RGS20: variants seen among roughly 807,000 people sequenced by gnomAD.
RGS20 encodes gz-selective GTPase-activating protein.
RGS20 carries 30 observed loss-of-function variants against 33.6 expected under a neutral mutation model. That is an observed-to-expected ratio of 0.89 (90% CI 0.67 to 1.21). RGS20 has a LOEUF of 1.21. RGS20 is among the 50% of genes most tolerant of loss of function. RGS20 has a pLI of 0.00. For synonymous variants in RGS20, 208 were observed against 197.9 expected (o/e 1.05, Z -0.43); for missense variants, 472 against 502.4 (o/e 0.94, Z 0.58).
intron 5 of RGS20, among the ~76,000 whole-genome samples, chr8:53,955,331 C>T (rs898383092): frequency 3.9e-5 from 6 of 151,932 alleles, no homozygotes; most frequent in Admixed American, 1.3e-4. Flanking sequence ...TACCCTAAGA[C>T]GTTCCTTTAA....
At chr8:53,917,115 C>T (rs745979740) in intron 2 of RGS20, among the ~76,000 whole-genome samples, 2 of 151,994 alleles carry the variant, frequency 1.3e-5, no homozygotes, top group East Asian at 1.9e-4. Context: ...CTCAGAACAC[C>T]TACTTTCTTT....
intron 2 of RGS20, among the ~76,000 whole-genome samples, chr8:53,903,066 A>G (rs905438850): frequency 1.3e-5 from 2 of 152,236 alleles, no homozygotes; most frequent in African/African-American, 4.8e-5. Flanking sequence ...GAGAGATCAG[A>G]TGGATCAGTT....
chr8:53,917,744 G>A (rs909084120), intron 2 of RGS20, among the ~76,000 whole-genome samples: 1 of 152,146 alleles, frequency 6.6e-6, no homozygotes, highest in Admixed American at 6.5e-5. Context: ...ACTCCAGTCT[G>A]GGCGACAGAG....
chr8:53,927,011 T>C (rs1813820832), intron 2 of RGS20, among the ~76,000 whole-genome samples: 3 of 152,150 alleles, frequency 2.0e-5, no homozygotes, highest in Admixed American at 2.0e-4. Context: ...TACTAAAAGA[T>C]TGTGATCAAA....
At chr8:53,899,857 GA>G (rs1180765619) in intron 2 of RGS20, among the ~76,000 whole-genome samples, 2 of 152,148 alleles carry the variant, frequency 1.3e-5, no homozygotes, top group East Asian at 3.9e-4. Context: ...CCCAGCAGGG[GA>G]AGAGTGAGGA....
chr8:53,883,807 G>A (rs1812464879), intron 2 of RGS20, among the ~76,000 whole-genome samples: 1 of 152,078 alleles, frequency 6.6e-6, no homozygotes, highest in African/African-American at 2.4e-5. Flanking sequence ...TTAGCCGGGT[G>A]TGGTTGCTGG....
rs1313812629 is a variant in RGS20 at position 53,959,186 on chromosome 8, A to T, written c.*728A>T. 1 of 152,252 alleles carries T rather than the reference A, an allele frequency of 6.6e-6. No homozygotes were observed. Among genetic ancestry groups the T allele is most frequent in the Non-Finnish European group, 1.5e-5 (1 of 68,044 alleles). The allele number at this position is 152,252 out of a possible 1,614,324, so 9.4% of individuals were successfully genotyped here. On this transcript the variant is annotated 3_prime_UTR_variant, in exon 6 of 6. Transcript: ENST00000297313. ...ACCTAAAGAATGAATTTTTAAATTC[A>T]TAACTTGGTCATGTTCACAACAAAA...
In RGS20 at chr8:53,881,094, C is replaced by T. The variant is rs916567891; in HGVS notation, c.510+1492C>T. 6 of 1,523,616 alleles carry T rather than the reference C, an allele frequency of 3.9e-6. No homozygotes were observed. The highest frequency in any genetic ancestry group is 5.2e-6 in the Non-Finnish European group (6 of 1,146,634). The allele number at this position is 1,523,616 out of a possible 1,614,324, so 94.4% of individuals were successfully genotyped here. A position where few individuals can be genotyped will look rare whatever the true frequency, so the allele number is the denominator to read the frequency against. Reference sequence around the variant, plus strand: ...GGTGGACGGTGGGCTCGTGAGTATCCCAGTTCCTCGAACTCTCTTTCTTCG... The same window carrying T: ...GGTGGACGGTGGGCTCGTGAGTATCTCAGTTCCTCGAACTCTCTTTCTTCG... On this transcript the variant is annotated intron_variant, in intron 2 of 5. Transcript: ENST00000297313.
rs1297909798 is a variant in RGS20 at position 53,948,749 on chromosome 8, T to C, written c.743+2001T>C. ...TTTACATATGCTATATAAGATACAGTACATATTTACATATGCTATATAAGA... is the reference window on the plus strand; with the variant it reads ...TTTACATATGCTATATAAGATACAGCACATATTTACATATGCTATATAAGA... On this transcript the variant is annotated intron_variant, in intron 4 of 5. Transcript: ENST00000297313. Among the ~76,000 whole-genome samples, 25 of 16,876 alleles carry C rather than the reference T, an allele frequency of 1.5e-3. 1 individual carries two copies. The highest frequency in any genetic ancestry group is 7.2e-3 in the African/African-American group (24 of 3,326). 11.1% of individuals were successfully genotyped at this position (16,876 alleles called of 152,430 possible).
At chr8:53,955,305 C>T (rs1814835940) in intron 5 of RGS20, among the ~76,000 whole-genome samples, 1 of 151,934 alleles carries the variant, frequency 6.6e-6, no homozygotes, top group Admixed American at 6.6e-5. Flanking sequence ...ACACTGAACA[C>T]TGTTTACAAA....
At chr8:53,853,321 T>C (rs1486584597) in intron 1 of RGS20, among the ~76,000 whole-genome samples, 1 of 152,200 alleles carries the variant, frequency 6.6e-6, no homozygotes, top group East Asian at 1.9e-4. Context: ...CTTGAGAAGG[T>C]ATGCTCTAAG....
intron 4 of RGS20, among the ~76,000 whole-genome samples, chr8:53,952,982 A>ATCAGC (rs1194498312): frequency 6.6e-6 from 1 of 152,210 alleles, no homozygotes. Flanking sequence ...ATGCAACATT[A>ATCAGC]TCAGTGCTGT....
At chr8:53,865,544 A>T (rs1698884813) in intron 1 of RGS20, among the ~76,000 whole-genome samples, 1 of 152,234 alleles carries the variant, frequency 6.6e-6, no homozygotes, top group Non-Finnish European at 1.5e-5. Context: ...CATTCATTTA[A>T]CAGATATTCA....
At position 53,891,551 on chromosome 8, in the gene RGS20, G is replaced by T. The variant is rs1283805157; in HGVS notation, c.510+11949G>T. On this transcript the variant is annotated intron_variant, in intron 2 of 5. Transcript: ENST00000297313. Reference sequence around the variant, plus strand: ...CAGGAGAATCGCTTGAACCCGGGAGGCAGAGATTGCAGTGAGCCAAGATCA... The same window carrying T: ...CAGGAGAATCGCTTGAACCCGGGAGTCAGAGATTGCAGTGAGCCAAGATCA... Among the ~76,000 whole-genome samples, 4 of 152,102 alleles carry T rather than the reference G, an allele frequency of 2.6e-5. No individual in the cohort carries two copies. In the South Asian group the frequency reaches 8.3e-4, roughly 32 times the overall value.
intron 1 of RGS20, among the ~76,000 whole-genome samples, chr8:53,857,782 GA>G (rs1309132576): frequency 6.6e-6 from 1 of 151,946 alleles, no homozygotes; most frequent in Non-Finnish European, 1.5e-5. Context: ...TCCAAAAGCT[GA>G]AAAAAATCTG....
intron 2 of RGS20, among the ~76,000 whole-genome samples, chr8:53,885,382 G>A (rs893185856): frequency 3.3e-5 from 5 of 152,214 alleles, no homozygotes; most frequent in Non-Finnish European, 7.3e-5. Flanking sequence ...GGGAGGCCGA[G>A]GCGGGTGGAT....
rs142919422 is a variant in RGS20, at chr8:53,943,615, C to A, written c.660-3050C>A. Among the ~76,000 whole-genome samples the A allele has an allele frequency of 3.6e-3, 546 of 152,248 alleles. 4 individuals carry two copies. Among genetic ancestry groups the A allele is most frequent in the African/African-American group, 0.012 (515 of 41,544 alleles). ...AAAGAAAACTTCACAAAAAAAAATTCTTCTCTTTTTCAAAACCACATTGTC... is the reference window on the plus strand; with the variant it reads ...AAAGAAAACTTCACAAAAAAAAATTATTCTCTTTTTCAAAACCACATTGTC... On this transcript the variant is annotated intron_variant, in intron 3 of 5. Transcript: ENST00000297313.
chr8:53,880,747 G>C (rs1174339388), intron 2 of RGS20, 125 bp from the exon 1 acceptor site: 7 of 755,260 alleles, frequency 9.3e-6, no homozygotes, highest in Non-Finnish European at 1.3e-5. Flanking sequence ...GGTGGAGGTC[G>C]CGCCCCGCGT....
chr8:53,859,829 A>T (rs1047703945), intron 1 of RGS20, among the ~76,000 whole-genome samples: 1 of 152,228 alleles, frequency 6.6e-6, no homozygotes, highest in Non-Finnish European at 1.5e-5. Context: ...ACTGCCCTTT[A>T]TAAAGCCGTC....
Sources: allele counts gnomAD v4.1 joint callset (sites outside exome capture counted in the v4.1 genomes callset), GRCh38; gene constraint gnomAD v4.1.1; transcripts MANE v1.5; gene names NCBI Gene and HGNC (gene_info 2026-07-23, HGNC 2026-07-21).